The following STPG2 variants were observed in gnomAD, a reference collection of about 807,000 sequenced individuals.
STPG2 encodes the protein sperm-tail PG-rich repeat-containing protein 2.
In STPG2, 56 loss-of-function variants were observed where a neutral mutation model predicts 54.2. That is an observed-to-expected ratio of 1.03 (90% CI 0.83 to 1.29). The LOEUF (loss-of-function observed/expected upper bound fraction) is 1.29. STPG2 is among the 50% of genes most tolerant of loss of function. The pLI, the probability that STPG2 is intolerant of heterozygous loss-of-function variation, is 0.00. For synonymous variants in STPG2, 200 were observed against 181.8 expected (o/e 1.10, Z -0.81); for missense variants, 596 against 544.9 (o/e 1.09, Z -0.93).
chr4:97,458,955 T>C (rs571389821), intron 4 of STPG2, among the ~76,000 whole-genome samples: 6 of 152,242 alleles, frequency 3.9e-5, no homozygotes, highest in Admixed American at 2.6e-4. Flanking sequence ...ATAAAGACTA[T>C]ATTATAGATA....
intron 8 of STPG2, among the ~76,000 whole-genome samples, chr4:97,882,916 T>C (rs1293572128): frequency 6.6e-6 from 1 of 151,928 alleles, no homozygotes; most frequent in African/African-American, 2.4e-5. Context: ...TGTCTAGTTT[T>C]CAACCAAAAT....
intron 9 of STPG2, among the ~76,000 whole-genome samples, chr4:97,807,626 G>A (rs1243811167): frequency 1.3e-5 from 2 of 151,772 alleles, no homozygotes; most frequent in Non-Finnish European, 2.9e-5. Context: ...AAACATGGGG[G>A]AACAAAAGGA....
intron 10 of STPG2, among the ~76,000 whole-genome samples, chr4:97,628,986 T>G (rs1392002604): frequency 6.6e-6 from 1 of 152,016 alleles, no homozygotes; most frequent in Non-Finnish European, 1.5e-5. Context: ...GTATATTTTG[T>G]CTCCAGCTTG....
intron 8 of STPG2, among the ~76,000 whole-genome samples, chr4:97,896,028 C>G (rs549510962): frequency 6.6e-6 from 1 of 151,804 alleles, no homozygotes; most frequent in Non-Finnish European, 1.5e-5. Context: ...TTCCATTTTT[C>G]TCTGAGTCTG....
Position 97,852,972 on chromosome 4 carries a change from T to TC in STPG2, c.1045-12041_1045-12040insG, listed in dbSNP as rs1325776790. On this transcript the variant is annotated intron_variant, in intron 8 of 10. Coordinates refer to ENST00000295268, the MANE Select transcript of STPG2 (RefSeq NM_174952.3). ...CCTATAAATTAACATATTTTCTTTT[T>TC]TTTTTTTTTTTTTTTTTTTTTTGAG... 1.3e-3 allele frequency among the ~76,000 whole-genome samples: 152 copies of TC among 116,990 alleles called. 1 individual carries two copies. Among genetic ancestry groups the TC allele is most frequent in the African/African-American group, 3.7e-3 (111 of 29,694 alleles). 76.7% of individuals were successfully genotyped at this position (116,990 alleles called of 152,430 possible). A position where few individuals can be genotyped will look rare whatever the true frequency, so the allele number is the denominator to read the frequency against.
chr4:97,947,438 T>G (rs1733277265), intron 7 of STPG2, among the ~76,000 whole-genome samples: 1 of 152,062 alleles, frequency 6.6e-6, no homozygotes, highest in Non-Finnish European at 1.5e-5. Flanking sequence ...CTTCTGGTAT[T>G]TTGCTGAATG....
rs917775327 is a variant in STPG2 at position 97,522,027 on chromosome 4, A to G, written c.462+190672T>C. On this transcript the variant is annotated intron_variant, in intron 4 of 4. Transcript: ENST00000522676. ...GTACTACAAAAATGCCAAAGTAAAT[A>G]TGCTTTAAAAATAAAGCCTGAATTT... 2.3e-4 allele frequency among the ~76,000 whole-genome samples: 35 copies of G among 152,058 alleles called. 1 individual carries two copies. Among genetic ancestry groups the G allele is most frequent in the African/African-American group, 7.5e-4 (31 of 41,524 alleles).
At chr4:97,516,496 C>A (rs939529819) in intron 4 of STPG2, among the ~76,000 whole-genome samples, 1 of 151,976 alleles carries the variant, frequency 6.6e-6, no homozygotes, top group African/African-American at 2.4e-5. Context: ...ATCCTTTGTG[C>A]CCTTCTTGCG....
At chr4:97,674,178 C>G (rs1309907748) in intron 10 of STPG2, among the ~76,000 whole-genome samples, 1 of 151,978 alleles carries the variant, frequency 6.6e-6, no homozygotes, top group Admixed American at 6.6e-5. Flanking sequence ...ATGTGTGGTC[C>G]CTCTAATCAG....
At chr4:97,736,566 C>G (rs188299723) in intron 9 of STPG2, among the ~76,000 whole-genome samples, 1 of 152,184 alleles carries the variant, frequency 6.6e-6, no homozygotes, top group Non-Finnish European at 1.5e-5. Flanking sequence ...TATCCCGCAC[C>G]TGGCTCAGAG....
At chr4:97,712,142 G>T (rs1380882566) in intron 10 of STPG2, among the ~76,000 whole-genome samples, 1 of 152,044 alleles carries the variant, frequency 6.6e-6, no homozygotes, top group Non-Finnish European at 1.5e-5. Context: ...GTAGGAATGG[G>T]GAACCTATTT....
intron 8 of STPG2, among the ~76,000 whole-genome samples, chr4:97,874,642 T>C (rs1730109328): frequency 6.6e-6 from 1 of 151,790 alleles, no homozygotes; most frequent in Non-Finnish European, 1.5e-5. Flanking sequence ...CTGGTTTCCT[T>C]CACTCAGCAT....
intron 5 of STPG2, among the ~76,000 whole-genome samples, chr4:98,073,862 G>A (rs776440290): frequency 9.2e-5 from 14 of 152,106 alleles, no homozygotes; most frequent in Non-Finnish European, 2.1e-4. Flanking sequence ...TTTGGAAGGA[G>A]ACAATATATA....
intron 5 of STPG2, among the ~76,000 whole-genome samples, chr4:98,053,544 A>C (rs1404448691): frequency 6.8e-6 from 1 of 146,914 alleles, no homozygotes; most frequent in African/African-American, 2.5e-5. Flanking sequence ...AACAAAAAAA[A>C]AATCTAAATT....
At chr4:97,907,098 G>T (rs1345376048) in intron 8 of STPG2, among the ~76,000 whole-genome samples, 2 of 152,090 alleles carry the variant, frequency 1.3e-5, no homozygotes, top group East Asian at 3.9e-4. Flanking sequence ...CAGACGACAT[G>T]ATTGTATATC....
At chr4:97,836,952 C>T (rs112065977) in intron 9 of STPG2, among the ~76,000 whole-genome samples, 35 of 150,706 alleles carry the variant, frequency 2.3e-4, no homozygotes, top group Non-Finnish European at 4.3e-4. Context: ...TTTACTGTAT[C>T]ACAAGTCCCT....
intron 9 of STPG2, among the ~76,000 whole-genome samples, chr4:97,805,292 C>T (rs2149093014): frequency 6.6e-6 from 1 of 152,184 alleles, no homozygotes; most frequent in African/African-American, 2.4e-5. Context: ...CTGCAACCTC[C>T]CTGCCTTCCA....
chr4:97,733,472 T>G (rs1309018145), intron 9 of STPG2, among the ~76,000 whole-genome samples: 1 of 151,836 alleles, frequency 6.6e-6, no homozygotes, highest in Admixed American at 6.6e-5. Context: ...GATCAAAAAC[T>G]ACACATTAGG....
At chr4:97,902,133 C>T (rs1731200114) in intron 8 of STPG2, among the ~76,000 whole-genome samples, 1 of 151,900 alleles carries the variant, frequency 6.6e-6, no homozygotes, top group Admixed American at 6.6e-5. Context: ...ATCCTTAACA[C>T]CATATAAAAA....
Sources: gnomAD v4.1 joint callset for allele counts (sites outside exome capture counted in the v4.1 genomes callset) on GRCh38, gnomAD v4.1.1 for gene constraint, MANE v1.5 for transcripts, NCBI Gene and HGNC (gene_info 2026-07-23, HGNC 2026-07-21) for gene names.